Variants in CPED1 observed in about 807,000 individuals in gnomAD.
The protein encoded by CPED1 is cadherin-like and PC-esterase domain-containing protein 1.
Under a neutral mutation model 128.2 loss-of-function variants are expected in CPED1, and 114 were observed. That is an observed-to-expected ratio of 0.89 (90% CI 0.76 to 1.04). The LOEUF (loss-of-function observed/expected upper bound fraction) is 1.04. Among genes scored for constraint, CPED1 ranks in the 50% least tolerant of loss-of-function variants. CPED1 has a pLI of 0.00. For synonymous variants in CPED1, 462 were observed against 426.7 expected (o/e 1.08, Z -1.02); for missense variants, 1,211 against 1,207.1 (o/e 1.00, Z -0.05).
At chr7:121,214,532 G>A (rs1797716956) in intron 16 of CPED1, among the ~76,000 whole-genome samples, 1 of 152,008 alleles carries the variant, frequency 6.6e-6, no homozygotes, top group African/African-American at 2.4e-5. Context: ...GACCTCAAGT[G>A]ATCCACCTGC....
intron 5 of CPED1, among the ~76,000 whole-genome samples, chr7:121,089,764 AT>A (rs1022196280): frequency 9.9e-5 from 15 of 152,228 alleles, no homozygotes; most frequent in Admixed American, 7.2e-4. Flanking sequence ...ATGTGTTAAT[AT>A]TTTTTGGAGG....
chr7:121,184,842 A>T (rs1796969373), intron 16 of CPED1, among the ~76,000 whole-genome samples: 1 of 152,188 alleles, frequency 6.6e-6, no homozygotes, highest in African/African-American at 2.4e-5. Context: ...GGTAAATTTG[A>T]TCAAACCTAG....
At chr7:121,235,587 C>A (rs1349403477) in intron 16 of CPED1, among the ~76,000 whole-genome samples, 1 of 152,074 alleles carries the variant, frequency 6.6e-6, no homozygotes, top group East Asian at 1.9e-4. Flanking sequence ...TTGAGAATTT[C>A]TCATATAATG....
chr7:121,291,255 C>CT (rs1470768391), intron 22 of CPED1, among the ~76,000 whole-genome samples: 1 of 152,086 alleles, frequency 6.6e-6, no homozygotes, highest in Non-Finnish European at 1.5e-5. Context: ...CAGCTTTGTT[C>CT]TTTTTGCTTA....
At chr7:121,258,723 A>G (rs1305882414) in intron 18 of CPED1, among the ~76,000 whole-genome samples, 1 of 152,080 alleles carries the variant, frequency 6.6e-6, no homozygotes, top group African/African-American at 2.4e-5. Context: ...ATCTTGGATT[A>G]TGTAAAATTG....
At chr7:121,081,033 C>T (rs73215353) in intron 5 of CPED1, among the ~76,000 whole-genome samples, 14,259 of 152,162 alleles carry the variant, frequency 0.094, 749 homozygotes, top group Middle Eastern at 0.15. Context: ...ATGCACAGAA[C>T]TCCATAAATT....
At chr7:121,074,048 AC>A (rs1302189695) in intron 5 of CPED1, among the ~76,000 whole-genome samples, 3 of 152,090 alleles carry the variant, frequency 2.0e-5, no homozygotes, top group East Asian at 1.9e-4. Flanking sequence ...CATAGCTCTG[AC>A]AATCCTTTCC....
intron 16 of CPED1, among the ~76,000 whole-genome samples, chr7:121,209,324 ATAGT>A (rs1387576375): frequency 5.9e-5 from 9 of 151,980 alleles, no homozygotes; most frequent in Admixed American, 5.9e-4. Context: ...TCTTTAACAG[ATAGT>A]TAAAGATATG....
At chr7:121,077,286 G>A (rs879620358) in intron 5 of CPED1, among the ~76,000 whole-genome samples, 1 of 152,080 alleles carries the variant, frequency 6.6e-6, no homozygotes, top group Non-Finnish European at 1.5e-5. Flanking sequence ...CCATCCATGA[G>A]AAGGAAGTTA....
chr7:121,043,346 T>C (rs1235858405), intron 3 of CPED1, among the ~76,000 whole-genome samples: 1 of 152,156 alleles, frequency 6.6e-6, no homozygotes, highest in East Asian at 1.9e-4. Flanking sequence ...TTGCCACCTT[T>C]AATGTAACCA....
intron 16 of CPED1, among the ~76,000 whole-genome samples, chr7:121,177,768 T>G (rs921172532): frequency 6.6e-6 from 1 of 152,080 alleles, no homozygotes; most frequent in Non-Finnish European, 1.5e-5. Flanking sequence ...TAATAAGCTA[T>G]GCTTCTTTCC....
chr7:121,275,247 G>A (rs913662136), intron 22 of CPED1, among the ~76,000 whole-genome samples: 16 of 151,994 alleles, frequency 1.1e-4, no homozygotes, highest in African/African-American at 3.9e-4. Flanking sequence ...CATCCGTCAA[G>A]GCACCAAAAG....
intron 3 of CPED1, among the ~76,000 whole-genome samples, chr7:121,040,405 T>A (rs1435837777): frequency 6.6e-6 from 1 of 152,100 alleles, no homozygotes; most frequent in African/African-American, 2.4e-5. Context: ...TGTGGTACTG[T>A]TCCATAGATC....
In CPED1 at chr7:121,130,983, T is replaced by C. The variant is rs567583549; in HGVS notation, c.1577+689T>C. Among the ~76,000 whole-genome samples, 7 of 152,150 alleles carry C rather than the reference T, an allele frequency of 4.6e-5. No homozygotes were observed. The East Asian group carries it at 7.7e-4, about 17-fold the overall frequency. On this transcript the variant is annotated intron_variant, in intron 12 of 22. Coordinates refer to ENST00000310396, the MANE Select transcript of CPED1 (RefSeq NM_024913.5). ...ACCTAAGGTTTTTTCTGCTTCTCTT[T>C]TATATGGATGGAATTACAGGAGCAT...
At chr7:121,004,410 TC>T (rs1478570669) in intron 2 of CPED1, among the ~76,000 whole-genome samples, 1 of 152,154 alleles carries the variant, frequency 6.6e-6, no homozygotes, top group Non-Finnish European at 1.5e-5. Flanking sequence ...TACCCTTACA[TC>T]CGGCAGGTGT....
intron 7 of CPED1, among the ~76,000 whole-genome samples, chr7:121,116,503 T>C (rs921586443): frequency 2.6e-5 from 4 of 152,214 alleles, no homozygotes; most frequent in Admixed American, 2.0e-4. Context: ...CAAAAGGTAA[T>C]TAGGCTACAT....
intron 18 of CPED1, among the ~76,000 whole-genome samples, chr7:121,260,201 G>A (rs905867035): frequency 8.2e-6 from 1 of 121,644 alleles, no homozygotes; most frequent in African/African-American, 3.2e-5. Context: ...CCTAGGTGAT[G>A]TTGTAGAGTT....
chr7:121,189,760 T>TTTTATATATATATATATATA (rs1472274298), intron 16 of CPED1, among the ~76,000 whole-genome samples: 4 of 47,476 alleles, frequency 8.4e-5, no homozygotes, highest in East Asian at 1.2e-3. Flanking sequence ...TTATGAGGTT[T>TTTTATATATATATATATATA]TATATATATA....
At chr7:120,995,926 TC>T in intron 2 of CPED1, among the ~76,000 whole-genome samples, 1 of 144,442 alleles carries the variant, frequency 6.9e-6, no homozygotes, top group Non-Finnish European at 1.5e-5. Flanking sequence ...CTTCTCCTCC[TC>T]CTTCTCCTCC....
Sources: gnomAD v4.1 joint callset for allele counts (sites outside exome capture counted in the v4.1 genomes callset) on GRCh38, gnomAD v4.1.1 for gene constraint, MANE v1.5 for transcripts, NCBI Gene and HGNC (gene_info 2026-07-23, HGNC 2026-07-21) for gene names.